Variants in NRG2 observed in about 807,000 individuals in gnomAD.
NRG2 encodes the protein neuregulin 2.
Under a neutral mutation model 73.9 loss-of-function variants are expected in NRG2, and 27 were observed. That is an observed-to-expected ratio of 0.37 (90% CI 0.27 to 0.50). The LOEUF is 0.50. Among genes scored for constraint, NRG2 ranks in the 20% least tolerant of loss-of-function variants. The pLI is 0.96. For missense variants in NRG2, 1,126 were observed against 1,210.1 expected (o/e 0.93, Z 1.03); for synonymous variants, 532 against 541.0 (o/e 0.98, Z 0.23).
chr5:139,911,340 G>T (rs972276285), intron 1 of NRG2, among the ~76,000 whole-genome samples: 1 of 152,090 alleles, frequency 6.6e-6, no homozygotes, highest in Non-Finnish European at 1.5e-5. Context: ...GGAACCTAAG[G>T]TTCTAAACCT....
chr5:139,908,653 C>A (rs1032262534), intron 1 of NRG2, among the ~76,000 whole-genome samples: 1 of 152,192 alleles, frequency 6.6e-6, no homozygotes. Flanking sequence ...CCAGAGCTCA[C>A]TCTTAAGCAC....
chr5:139,877,472 G>T (rs2127093255), intron 3 of NRG2, among the ~76,000 whole-genome samples: 1 of 152,348 alleles, frequency 6.6e-6, no homozygotes, highest in East Asian at 1.9e-4. Context: ...ACCCACCTTG[G>T]GATGAGTCAG....
At chr5:139,988,179 G>C (rs765143450) in intron 1 of NRG2, among the ~76,000 whole-genome samples, 16 of 152,068 alleles carry the variant, frequency 1.1e-4, no homozygotes, top group Non-Finnish European at 2.2e-4. Context: ...GGAGCAACAG[G>C]AATTCTGGTT....
chr5:139,875,354 G>A (rs1475276799), intron 3 of NRG2, among the ~76,000 whole-genome samples: 1 of 152,198 alleles, frequency 6.6e-6, no homozygotes, highest in African/African-American at 2.4e-5. Context: ...TAGAATGTAA[G>A]CTCCATTAGG....
At chr5:139,968,707 TC>T (rs1453510359) in intron 1 of NRG2, among the ~76,000 whole-genome samples, 2 of 152,112 alleles carry the variant, frequency 1.3e-5, no homozygotes, top group Non-Finnish European at 2.9e-5. Context: ...TGGACACTAC[TC>T]CAACAAGCAA....
intron 1 of NRG2, among the ~76,000 whole-genome samples, chr5:140,016,677 C>T (rs1290604989): frequency 6.6e-6 from 1 of 152,214 alleles, no homozygotes; most frequent in Non-Finnish European, 1.5e-5. Context: ...AGATGTAGCA[C>T]ATCTATGGCT....
At chr5:139,885,548 G>A (rs1763806410) in intron 2 of NRG2, among the ~76,000 whole-genome samples, 1 of 152,202 alleles carries the variant, frequency 6.6e-6, no homozygotes, top group Non-Finnish European at 1.5e-5. Context: ...TGGTGGTGGA[G>A]GGCGGAAGTG....
At chr5:139,971,790 T>A (rs928884186) in intron 1 of NRG2, among the ~76,000 whole-genome samples, 24 of 152,024 alleles carry the variant, frequency 1.6e-4, no homozygotes, top group Non-Finnish European at 3.1e-4. Context: ...AAGGAATAAA[T>A]GAAAGTAAAA....
At position 139,851,276 on chromosome 5, in the gene NRG2, C is replaced by T. The variant is rs530089707; in HGVS notation, c.1772+328G>A. 6.7e-4 allele frequency among the ~76,000 whole-genome samples: 102 copies of T among 152,242 alleles called. No homozygotes were observed. The highest frequency in any genetic ancestry group is 2.4e-3 in the African/African-American group (98 of 41,524). On this transcript the variant is annotated intron_variant, in intron 9 of 9. Transcript: ENST00000361474. The surrounding 1 kb of genome is among the most constrained non-coding windows in gnomAD (Gnocchi z 4.2). ...TGCTGGGATTACAGGTGTGAGCCACCGCGCCCGGCTGCCTGTTTGTTCTTG... is the reference window on the plus strand; with the variant it reads ...TGCTGGGATTACAGGTGTGAGCCACTGCGCCCGGCTGCCTGTTTGTTCTTG...
Position 139,868,392 on chromosome 5 carries a change from G to A in NRG2, c.1113-2767C>T, listed in dbSNP as rs1236951379. 1.3e-5 allele frequency among the ~76,000 whole-genome samples: 2 copies of A among 152,116 alleles called. No individual in the cohort carries two copies. Among genetic ancestry groups the A allele is most frequent in the Non-Finnish European group, 2.9e-5 (2 of 68,004 alleles). Reference sequence around the variant, plus strand: ...TGGGAGTCTGAACTCAGCATTGGGGGCTGGGTGGTGGTTGGTGGTTTCCAC... The same window carrying A: ...TGGGAGTCTGAACTCAGCATTGGGGACTGGGTGGTGGTTGGTGGTTTCCAC... On this transcript the variant is annotated intron_variant, in intron 4 of 9. Coordinates refer to ENST00000361474, the MANE Select transcript of NRG2 (RefSeq NM_004883.3). The surrounding 1 kb of genome is among the most constrained non-coding windows in gnomAD (Gnocchi z 4.2).
In NRG2 at chr5:139,848,413, G is replaced by A; in HGVS notation, c.2057C>T (p.Pro686Leu). 7.9e-7 allele frequency: 1 copy of A among 1,269,776 alleles called. No individual in the cohort carries two copies. The highest frequency in any genetic ancestry group is 9.8e-7 in the Non-Finnish European group (1 of 1,015,630). 78.7% of individuals were successfully genotyped at this position (1,269,776 alleles called of 1,614,324 possible). A position where few individuals can be genotyped will look rare whatever the true frequency, so the allele number is the denominator to read the frequency against. ...SYYYPAAGPGPRRGTCALGGS... is the reference protein window; with the variant it reads ...SYYYPAAGPGLRRGTCALGGS... ...GCCGAGCGCGCAGGTCCCGCGCCGC[G>A]GTCCGGGCCCCGCCGCGGGGTAATA... The change falls in exon 10 of 10, where the codon CCG (proline) becomes CTG (leucine). Residue 686 changes from proline (P) to leucine (L), a missense_variant. Around this residue, in one of 3 missense-constraint regions of NRG2, gnomAD observed 402 missense variants for 357.8 expected, o/e 1.12. Transcript: ENST00000361474.
Position 139,864,704 on chromosome 5 carries a change from C to G in NRG2, c.1189+845G>C, listed in dbSNP as rs540392374. ...ACCCTCAAAACAAACAAACTCTGGCCAGACTGGAAAATGGGCTTTCTGAGA... is the reference window on the plus strand; with the variant it reads ...ACCCTCAAAACAAACAAACTCTGGCGAGACTGGAAAATGGGCTTTCTGAGA... On this transcript the variant is annotated intron_variant, in intron 5 of 9. Transcript: ENST00000361474. 9.2e-5 allele frequency among the ~76,000 whole-genome samples: 14 copies of G among 152,144 alleles called. No individual in the cohort carries two copies. In the South Asian group the frequency reaches 2.9e-3, roughly 32 times the overall value.
intron 1 of NRG2, among the ~76,000 whole-genome samples, chr5:140,010,545 T>C (rs1402241917): frequency 6.6e-6 from 1 of 152,138 alleles, no homozygotes; most frequent in Non-Finnish European, 1.5e-5. Flanking sequence ...AGGGAGTATA[T>C]GGGATATCTC....
chr5:139,962,800 A>C (rs1580827242), intron 1 of NRG2, among the ~76,000 whole-genome samples: 1 of 152,350 alleles, frequency 6.6e-6, no homozygotes, highest in Middle Eastern at 3.4e-3. Context: ...GGAATATTCT[A>C]GATGCCTGGG....
rs965789878 is a variant in NRG2 at position 139,847,779 on chromosome 5, C to T, written c.*138G>A. The stretch of plus-strand genomic sequence containing the variant: ...AATTTTTGCTAAAATGAAAATAAAA[C>T]ATTTTGTTATACTTTTTTCCTTTTA... On this transcript the variant is annotated 3_prime_UTR_variant, in exon 10 of 10. Transcript: ENST00000361474. The T allele has an allele frequency of 4.7e-6, 3 of 632,436 alleles. No homozygotes were observed. Among genetic ancestry groups the T allele is most frequent in the Admixed American group, 4.4e-5 (1 of 22,604 alleles). 39.2% of individuals were successfully genotyped at this position (632,436 alleles called of 1,614,324 possible). A position where few individuals can be genotyped will look rare whatever the true frequency, so the allele number is the denominator to read the frequency against.
At chr5:139,955,929 G>A (rs1484786619) in intron 1 of NRG2, among the ~76,000 whole-genome samples, 2 of 152,136 alleles carry the variant, frequency 1.3e-5, no homozygotes, top group Non-Finnish European at 2.9e-5. Flanking sequence ...TTCTTCCTCT[G>A]TAAGGTGAGC....
At chr5:139,967,832 G>A (rs2337035) in intron 1 of NRG2, among the ~76,000 whole-genome samples, 3,329 of 151,980 alleles carry the variant, frequency 0.022, 97 homozygotes, top group African/African-American at 0.075. Context: ...GGTGGCGGGC[G>A]CCTGTAGTCC....
At chr5:139,985,205 T>C (rs1329313988) in intron 1 of NRG2, among the ~76,000 whole-genome samples, 1 of 151,924 alleles carries the variant, frequency 6.6e-6, no homozygotes, top group Non-Finnish European at 1.5e-5. Context: ...CCAGGTGTGG[T>C]GGCACACACC....
chr5:139,884,282 G>A (rs919654643), intron 2 of NRG2, among the ~76,000 whole-genome samples: 1 of 152,204 alleles, frequency 6.6e-6, no homozygotes, highest in African/African-American at 2.4e-5. Flanking sequence ...AGGTGTCCCA[G>A]AGAGAAGACA....
Sources: allele counts gnomAD v4.1 joint callset (sites outside exome capture counted in the v4.1 genomes callset), GRCh38; gene constraint gnomAD v4.1.1; regional missense constraint gnomAD v4.1.1; non-coding constraint Gnocchi (gnomAD v3.1); transcripts MANE v1.5; gene names NCBI Gene and HGNC (gene_info 2026-07-23, HGNC 2026-07-21).